EDC3: variants seen among roughly 807,000 people sequenced by gnomAD.
The protein encoded by EDC3 is enhancer of mRNA decapping 3, also known as enhancer of mRNA-decapping protein 3.
Under a neutral mutation model 41.8 loss-of-function variants are expected in EDC3, and 20 were observed. That is an observed-to-expected ratio of 0.48 (90% confidence interval 0.34 to 0.70). EDC3 has a LOEUF of 0.70. Ranked by LOEUF, EDC3 falls within the 30% of genes least tolerant of loss-of-function variation. The pLI is 0.01. For synonymous variants in EDC3, 206 were observed against 243.2 expected, an observed-to-expected ratio of 0.85 and a Z score of 1.42; for missense variants, 444 against 636.8, an observed-to-expected ratio of 0.70 and a Z score of 3.26.
At chr15:74,644,515 G>A (rs1484164852) in intron 4 of EDC3, 4 of 152,160 alleles carry the variant, frequency 2.6e-5, no homozygotes, top group Non-Finnish European at 5.9e-5. Context: ...CTGTCAGGGT[G>A]TGGGGGAGGG....
intron 1 of EDC3, among the ~76,000 whole-genome samples, chr15:74,683,723 T>TA (rs560351461): frequency 3.4e-4 from 51 of 150,056 alleles, no homozygotes; most frequent in Non-Finnish European, 5.6e-4. Context: ...GAAGTTTAAT[T>TA]AAAAAAAAAA....
intron 3 of EDC3, among the ~76,000 whole-genome samples, chr15:74,670,992 T>C (rs1295334861): frequency 2.0e-5 from 3 of 152,038 alleles, no homozygotes; most frequent in Non-Finnish European, 4.4e-5. Context: ...CAGGTTCAAC[T>C]CAAACACTAC....
chr15:74,689,984 A>T (rs965592537), intron 1 of EDC3, among the ~76,000 whole-genome samples: 5 of 152,198 alleles, frequency 3.3e-5, no homozygotes, highest in African/African-American at 1.2e-4. Flanking sequence ...ACAGGATTTG[A>T]TGTACAATAA....
intron 1 of EDC3, among the ~76,000 whole-genome samples, chr15:74,680,701 C>A (rs1189794669): frequency 2.0e-5 from 3 of 152,128 alleles, no homozygotes; most frequent in Non-Finnish European, 4.4e-5. Context: ...AAACTATCCC[C>A]ATTTGCAGAT....
At position 74,674,987 on chromosome 15, in the gene EDC3, C is replaced by T. The variant is rs566158599; in HGVS notation, c.138G>A (p.Lys46=). ...TGAAGGTGACTTCTGGAACAAGACA[C>T]TTCACTCCATTATGGAAAGGCCGGG... ...SLTRPFHNGV[K]CLVPEVTFRA... Residue 46 remains lysine (K), a synonymous_variant, in exon 2 of 7, where the codon AAG becomes AAA. Transcript: ENST00000315127. The T allele has an allele frequency of 1.2e-6, 2 of 1,614,186 alleles. No homozygotes were observed. Among genetic ancestry groups the T allele is most frequent in the East Asian group, 4.5e-5 (2 of 44,886 alleles).
At chr15:74,654,272 T>C (rs1396639256) in intron 4 of EDC3, among the ~76,000 whole-genome samples, 1 of 142,974 alleles carries the variant, frequency 7.0e-6, no homozygotes, top group African/African-American at 2.6e-5. Context: ...AAAAAAAAAA[T>C]CCTGCAGTGT....
chr15:74,645,814 G>A (rs1388917123), intron 4 of EDC3, among the ~76,000 whole-genome samples: 1 of 152,136 alleles, frequency 6.6e-6, no homozygotes, highest in Non-Finnish European at 1.5e-5. Context: ...AGAGGCTGCA[G>A]TGAGCTGAGA....
chr15:74,632,946 T>C lies in EDC3; in HGVS notation c.1193A>G (p.Asp398Gly). The change falls in exon 7 of 7, where the codon GAT becomes GGT. Residue 398 changes from aspartate to glycine, a missense_variant and splice_region_variant. Asp to Gly is a moderately conservative substitution (Grantham distance 94). Around this residue, in one of 3 missense-constraint regions of EDC3, gnomAD observed 242 missense variants for 363.8 expected, o/e 0.67. Coordinates refer to ENST00000315127, the MANE Select transcript of EDC3 (RefSeq NM_025083.5). The surrounding 1 kb of genome is among the most constrained non-coding windows in gnomAD (Gnocchi z 4.0). Reference protein sequence around the residue: ...TQGQQVSSLKDLPTSPVDLVI... With the variant: ...TQGQQVSSLKGLPTSPVDLVI... ...CAGGTCCACAGGGCTAGTGGGCAGA[T>C]CTGCAGGTGGAAAGAGTGCCATCTG... 6.2e-7 allele frequency: 1 copy of C among 1,613,062 alleles called. No homozygotes were observed.
intron 1 of EDC3, among the ~76,000 whole-genome samples, chr15:74,684,479 A>C (rs1041273286): frequency 2.2e-5 from 2 of 89,130 alleles, no homozygotes; most frequent in African/African-American, 1.0e-4. Flanking sequence ...ACTTTGTCTC[A>C]AAAAAAAAAA....
At chr15:74,659,951 A>G (rs1285808329) in intron 3 of EDC3, among the ~76,000 whole-genome samples, 1 of 151,994 alleles carries the variant, frequency 6.6e-6, no homozygotes, top group Non-Finnish European at 1.5e-5. Flanking sequence ...AAGCTGAAGC[A>G]GGAGAATCGC....
In EDC3 at chr15:74,631,647, A is replaced by C. The variant is rs1267641167; in HGVS notation, c.*965T>G. 1 of 152,736 alleles carries C rather than the reference A, an allele frequency of 6.5e-6. No individual in the cohort carries two copies. The highest frequency in any genetic ancestry group is 1.5e-5 in the Non-Finnish European group (1 of 68,192). The allele number at this position is 152,736 out of a possible 1,614,324, so 9.5% of individuals were successfully genotyped here. A position where few individuals can be genotyped will look rare whatever the true frequency, so the allele number is the denominator to read the frequency against. On this transcript the variant is annotated 3_prime_UTR_variant, in exon 7 of 7. Transcript: ENST00000315127. ...CAGCTGCAAAGGACCGTTTCAGGGG[A>C]AGGGCAGAGGGGATGAAAGAGTAGG...
chr15:74,648,476 C>T (rs115255791), intron 4 of EDC3, among the ~76,000 whole-genome samples: 3,726 of 152,270 alleles, frequency 0.024, 149 homozygotes, highest in African/African-American at 0.086. Context: ...AGCCGGCCAG[C>T]GTGAGAAGAG....
At chr15:74,656,669 G>A (rs2062552707) in intron 3 of EDC3, among the ~76,000 whole-genome samples, 1 of 152,150 alleles carries the variant, frequency 6.6e-6, no homozygotes, top group Non-Finnish European at 1.5e-5. Flanking sequence ...CCCTGGCGAA[G>A]CCCCACCTTT....
chr15:74,682,844 G>T (rs914292485), intron 1 of EDC3, among the ~76,000 whole-genome samples: 4 of 151,570 alleles, frequency 2.6e-5, no homozygotes, highest in African/African-American at 9.7e-5. Flanking sequence ...CCAGCATGGA[G>T]AAATCCTGTC....
At chr15:74,670,555 A>G (rs1884404981) in intron 3 of EDC3, among the ~76,000 whole-genome samples, 1 of 152,054 alleles carries the variant, frequency 6.6e-6, no homozygotes, top group Non-Finnish European at 1.5e-5. Flanking sequence ...TCAGCCTCCA[A>G]AGTAGCTGGG....
intron 5 of EDC3, chr15:74,636,217 T>C (rs553206636): frequency 6.4e-6 from 1 of 155,396 alleles, no homozygotes; most frequent in East Asian, 1.9e-4. Context: ...CAGTTGCCAA[T>C]GGTTCTCTTT....
chr15:74,652,800 G>T (rs903340584), intron 4 of EDC3, among the ~76,000 whole-genome samples: 1 of 150,268 alleles, frequency 6.7e-6, no homozygotes, highest in Non-Finnish European at 1.5e-5. Context: ...GGCTGGTCTT[G>T]AACTCCTGAG....
chr15:74,667,479 GGGA>G (rs1335886195), intron 3 of EDC3, among the ~76,000 whole-genome samples: 4 of 79,846 alleles, frequency 5.0e-5, no homozygotes, highest in Non-Finnish European at 7.8e-5. Flanking sequence ...GGGAGGAGGA[GGGA>G]GGAGGAGGAG....
rs764283169 is a variant in EDC3, at chr15:74,635,663, A to G, written c.975-37T>C. The stretch of plus-strand genomic sequence containing the variant: ...GGTGAAGAAGCAGTATCAGCTACAT[A>G]CTTGCCAATCCCTTGCACCCTATAC... On this transcript the variant is annotated intron_variant, in intron 5 of 6. Transcript: ENST00000315127. 2.5e-6 allele frequency: 4 copies of G among 1,586,468 alleles called. 1 individual carries two copies. In the South Asian group the frequency reaches 4.5e-5, roughly 18 times the overall value.
Sources: allele counts gnomAD v4.1 joint callset (sites outside exome capture counted in the v4.1 genomes callset), GRCh38; gene constraint gnomAD v4.1.1; regional missense constraint gnomAD v4.1.1; non-coding constraint Gnocchi (gnomAD v3.1); transcripts MANE v1.5; gene names NCBI Gene and HGNC (gene_info 2026-07-23, HGNC 2026-07-21).